PNPLA7: variants seen among roughly 807,000 people sequenced by gnomAD.
PNPLA7 encodes patatin like domain 7, lysophospholipase, also known as patatin-like phospholipase domain-containing protein 7.
Under a neutral mutation model 161.7 loss-of-function variants are expected in PNPLA7, and 153 were observed. The ratio of observed to expected loss-of-function variants is 0.95; its 90% CI spans 0.83 to 1.08. The LOEUF is 1.08. Ranked by LOEUF, PNPLA7 falls within the 50% of genes least tolerant of loss-of-function variation. The pLI is 0.00. For synonymous variants in PNPLA7, 809 were observed against 782.1 expected (o/e 1.03, Z -0.57); for missense variants, 1,739 against 1,856.6 (o/e 0.94, Z 1.16).
intron 21 of PNPLA7, 81 bp from the exon 22 acceptor site, chr9:137,481,104 T>C (rs2132147989): frequency 6.8e-7 from 1 of 1,460,428 alleles, no homozygotes. Context: ...CCCAGCAAGG[T>C]ACCGACGCCG....
chr9:137,529,320 T>C (rs1419378169), intron 8 of PNPLA7, among the ~76,000 whole-genome samples: 1 of 152,134 alleles, frequency 6.6e-6, no homozygotes, highest in Non-Finnish European at 1.5e-5. Flanking sequence ...CATCTAAGTA[T>C]TGATATTTAA....
At chr9:137,532,581 A>G (rs1835635369) in intron 8 of PNPLA7, among the ~76,000 whole-genome samples, 1 of 152,234 alleles carries the variant, frequency 6.6e-6, no homozygotes. Flanking sequence ...CTGAAATTTT[A>G]GCGGCTGATG....
At chr9:137,494,724 C>A (rs1014597822) in intron 19 of PNPLA7, among the ~76,000 whole-genome samples, 2 of 149,958 alleles carry the variant, frequency 1.3e-5, no homozygotes, top group African/African-American at 5.0e-5. Flanking sequence ...CTGCTCTGCG[C>A]CCTCACCAGC....
chr9:137,517,254 A>G (rs1485700995), intron 11 of PNPLA7, among the ~76,000 whole-genome samples: 1 of 66,984 alleles, frequency 1.5e-5, no homozygotes, highest in South Asian at 6.2e-4. Context: ...CACTCACTCC[A>G]CTCTGTCCAC....
chr9:137,486,472 A>G lies in PNPLA7; in HGVS notation c.2198-1736T>C, dbSNP rs1041988798. ...GTTTATAAATGTGATTCCATTATTAAATAAATACTCAAGGCCTCCCAAAAG... is the reference window on the plus strand; with the variant it reads ...GTTTATAAATGTGATTCCATTATTAGATAAATACTCAAGGCCTCCCAAAAG... On this transcript the variant is annotated intron_variant, in intron 20 of 34. Coordinates refer to ENST00000406427, the MANE Select transcript of PNPLA7 (RefSeq NM_001098537.3). The surrounding 1 kb of genome is among the most constrained non-coding windows in gnomAD (Gnocchi z 6.0). Among the ~76,000 whole-genome samples the G allele has an allele frequency of 2.0e-5, 3 of 152,174 alleles. No individual in the cohort carries two copies. The highest frequency in any genetic ancestry group is 6.5e-5 in the Admixed American group (1 of 15,286).
intron 22 of PNPLA7, 99 bp from the exon 23 acceptor site, chr9:137,480,579 G>A (rs369620097): frequency 1.3e-5 from 17 of 1,346,170 alleles, no homozygotes; most frequent in East Asian, 2.4e-5. Flanking sequence ...AGCACCAGCC[G>A]CTGCCCCTTC....
intron 8 of PNPLA7, among the ~76,000 whole-genome samples, chr9:137,527,095 C>T (rs563268639): frequency 4.6e-5 from 7 of 152,036 alleles, no homozygotes; most frequent in Admixed American, 1.3e-4. Context: ...GGTGAAACCC[C>T]GTCTCTACTA....
At chr9:137,503,958 GGAAGAAGGAA>G (rs1564325513) in intron 14 of PNPLA7, among the ~76,000 whole-genome samples, 2 of 62,128 alleles carry the variant, frequency 3.2e-5, no homozygotes, top group African/African-American at 4.2e-5. Flanking sequence ...TGAAGAAGAA[GGAAGAAGGAA>G]GAAGAAGAAG....
At position 137,543,793 on chromosome 9, in the gene PNPLA7, A is replaced by C. The variant is rs892069504; in HGVS notation, c.296T>G (p.Leu99Arg). 1 of 1,613,754 alleles carries C rather than the reference A, an allele frequency of 6.2e-7. No individual in the cohort carries two copies. Among genetic ancestry groups the C allele is most frequent in the Non-Finnish European group, 8.5e-7 (1 of 1,179,946 alleles). ...MRKVTTLPNT[L>R]VENTALPRQR... ...CCGGGGCAGGGCAGTGTTCTCCACA[A>C]GGGTGTTGGGGAGTGTGGTCACCTG... Residue 99 changes from leucine to arginine, a missense_variant, in exon 5 of 35, where the codon CTT becomes CGT. Physicochemically the swap from Leu to Arg is moderately radical, Grantham distance 102. Transcript: ENST00000406427. The surrounding 1 kb of genome is among the most constrained non-coding windows in gnomAD (Gnocchi z 6.9).
intron 20 of PNPLA7, among the ~76,000 whole-genome samples, chr9:137,487,577 G>A (rs1176443042): frequency 6.6e-6 from 1 of 152,232 alleles, no homozygotes; most frequent in Non-Finnish European, 1.5e-5. Context: ...TCTTCATCTC[G>A]TGCCTGGGGG....
chr9:137,491,272 A>G (rs1832749592), intron 20 of PNPLA7, among the ~76,000 whole-genome samples: 1 of 152,206 alleles, frequency 6.6e-6, no homozygotes, highest in African/African-American at 2.4e-5. Flanking sequence ...CCCCATCTCT[A>G]AATAAAAAGA....
chr9:137,515,152 A>G (rs377054254), intron 12 of PNPLA7, among the ~76,000 whole-genome samples: 61 of 152,164 alleles, frequency 4.0e-4, no homozygotes, highest in African/African-American at 1.4e-3. Flanking sequence ...GGGGTGAGAC[A>G]GGGCAGGCAC....
At chr9:137,519,613 G>A (rs558245011) in intron 11 of PNPLA7, among the ~76,000 whole-genome samples, 1 of 152,042 alleles carries the variant, frequency 6.6e-6, no homozygotes, top group Non-Finnish European at 1.5e-5. Context: ...GTGAGGAGAT[G>A]GGGACACGTG....
intron 14 of PNPLA7, among the ~76,000 whole-genome samples, chr9:137,502,470 C>T (rs1268102260): frequency 6.7e-6 from 1 of 149,486 alleles, no homozygotes; most frequent in Non-Finnish European, 1.5e-5. Context: ...AAAAGTTTGT[C>T]AAACAGGAGG....
In PNPLA7 at chr9:137,499,635, G is replaced by A. The variant is rs944422951; in HGVS notation, c.1757+1056C>T. Among the ~76,000 whole-genome samples, 2 of 152,220 alleles carry A rather than the reference G, an allele frequency of 1.3e-5. No individual in the cohort carries two copies. Among genetic ancestry groups the A allele is most frequent in the African/African-American group, 4.8e-5 (2 of 41,450 alleles). On this transcript the variant is annotated intron_variant, in intron 16 of 34. Transcript: ENST00000406427. This position sits in a 1 kb window ranked among gnomAD's most constrained non-coding sequence, Gnocchi z 5.5. ...ACCTGGCTGGAGCCACTCAGGCCAG[G>A]CCTGGAAGACAGAGGCCATGCAGAA...
rs1832855664 is a variant in PNPLA7, at chr9:137,493,004, G to A, written c.2197+9C>T. ...CCCAGGAGGCTCTGGGTTGGGAGAG[G>A]TGACCCACCTGTCACAGGTCCCTGC... On this transcript the variant is annotated intron_variant, in intron 20 of 34. Coordinates refer to ENST00000406427, the MANE Select transcript of PNPLA7 (RefSeq NM_001098537.3). The A allele has an allele frequency of 6.2e-7, 1 of 1,612,914 alleles. No homozygotes were observed. Among genetic ancestry groups the A allele is most frequent in the Non-Finnish European group, 8.5e-7 (1 of 1,179,862 alleles).
intron 11 of PNPLA7, 140 bp downstream of exon 11, chr9:137,519,777 C>T: frequency 8.7e-7 from 1 of 1,154,934 alleles, no homozygotes; most frequent in Non-Finnish European, 1.2e-6. Flanking sequence ...GTAGGGTGAC[C>T]TGGGCCGTGT....
chr9:137,461,863 C>A (rs1305742886), intron 32 of PNPLA7, 68 bp downstream of exon 32: 2 of 1,440,904 alleles, frequency 1.4e-6, no homozygotes, highest in Admixed American at 4.4e-5. Flanking sequence ...ATGAACTGGG[C>A]GTGGGCGTGG....
rs2132500824 is a variant in PNPLA7 at position 137,523,473 on chromosome 9, G to T, written c.748-616C>A. On this transcript the variant is annotated intron_variant, in intron 8 of 34. Transcript: ENST00000406427. This position sits in a 1 kb window ranked among gnomAD's most constrained non-coding sequence, Gnocchi z 4.4. ...AGGAAAAGCCCCAGTGAGTGACGTGGTTTCCATCTTCTAGAAATTGGTGGG... is the reference window on the plus strand; with the variant it reads ...AGGAAAAGCCCCAGTGAGTGACGTGTTTTCCATCTTCTAGAAATTGGTGGG... Among the ~76,000 whole-genome samples the T allele has an allele frequency of 6.6e-6, 1 of 152,328 alleles. No homozygotes were observed. Among genetic ancestry groups the T allele is most frequent in the South Asian group, 2.1e-4 (1 of 4,822 alleles).
Sources: gnomAD v4.1 joint callset for allele counts (sites outside exome capture counted in the v4.1 genomes callset) on GRCh38, gnomAD v4.1.1 for gene constraint, Gnocchi (gnomAD v3.1) non-coding constraint, MANE v1.5 for transcripts, NCBI Gene and HGNC (gene_info 2026-07-23, HGNC 2026-07-21) for gene names.